Variants in NCAM1 observed in about 807,000 individuals in gnomAD.
The protein encoded by NCAM1 is neural cell adhesion molecule 1, also known as antigen recognized by monoclonal antibody 5.1H11.
Under a neutral mutation model 109.8 loss-of-function variants are expected in NCAM1, and 14 were observed. That is an observed-to-expected ratio of 0.13 (90% CI 0.08 to 0.20). NCAM1 has a LOEUF of 0.20. Ranked by LOEUF, NCAM1 falls within the 10% of genes least tolerant of loss-of-function variation. NCAM1 has a pLI of 1.00. For missense variants in NCAM1, 774 were observed against 1,109.9 expected, an observed-to-expected ratio of 0.70 and a Z score of 4.30; for synonymous variants, 418 against 442.9, an observed-to-expected ratio of 0.94 and a Z score of 0.70.
At chr11:113,001,081 C>A (rs1484570555) in intron 1 of NCAM1, among the ~76,000 whole-genome samples, 3 of 151,874 alleles carry the variant, frequency 2.0e-5, no homozygotes, top group African/African-American at 7.3e-5. Context: ...ATCCGTGAGC[C>A]CTCTAGTCAG....
intron 1 of NCAM1, among the ~76,000 whole-genome samples, chr11:113,148,042 T>A (rs1042046135): frequency 3.4e-4 from 51 of 152,230 alleles, no homozygotes; most frequent in African/African-American, 1.2e-3. Flanking sequence ...CAATTAATCC[T>A]AAAATGCATA....
chr11:113,221,272 T>G, intron 8 of NCAM1, 24 bp from the exon 9 acceptor site: 1 of 1,555,606 alleles, frequency 6.4e-7, no homozygotes, highest in Non-Finnish European at 8.7e-7. Context: ...TTTCTTGTTG[T>G]GTTTTATATC....
intron 18 of NCAM1, among the ~76,000 whole-genome samples, chr11:113,271,369 CAAAAAAAAAAAA>C (rs71060298): frequency 1.5e-4 from 10 of 66,880 alleles, no homozygotes; most frequent in East Asian, 4.8e-4. Context: ...GACTCTGTCT[CAAAAAAAAAAAA>C]AAAAAAAAAA....
In NCAM1 at chr11:113,149,400, A is replaced by G. The variant is rs115222471; in HGVS notation, c.53-52979A>G. On this transcript the variant is annotated intron_variant, in intron 1 of 19. Transcript: ENST00000316851. ...TCAAAAAACCCACTGGGAAACCATT[A>G]TAATAATCCAAATAAGGGAAGATAA... is the stretch of plus-strand genomic sequence containing the variant. Among the ~76,000 whole-genome samples the G allele has an allele frequency of 8.2e-3, 1,248 of 152,332 alleles. 18 individuals carry two copies. The highest frequency in any genetic ancestry group is 0.029 in the African/African-American group (1,188 of 41,562).
chr11:113,144,531 C>A (rs1292780453), intron 1 of NCAM1, among the ~76,000 whole-genome samples: 1 of 152,086 alleles, frequency 6.6e-6, no homozygotes, highest in African/African-American at 2.4e-5. Flanking sequence ...AATGGAATAA[C>A]CACTAATACA....
chr11:113,108,619 T>C (rs1017868463), intron 1 of NCAM1, among the ~76,000 whole-genome samples: 24 of 152,140 alleles, frequency 1.6e-4, no homozygotes, highest in East Asian at 1.2e-3. Flanking sequence ...ATGGCAGACA[T>C]ATCCTTTCTT....
chr11:112,961,735 C>G, intron 1 of NCAM1, 71 bp downstream of exon 1: 39 of 989,442 alleles, frequency 3.9e-5, no homozygotes, highest in Non-Finnish European at 4.9e-5. Context: ...CTAGGAGGAA[C>G]GCTATTATTT....
chr11:113,264,000 C>T (rs1198022540), intron 17 of NCAM1: 1 of 985,298 alleles, frequency 1.0e-6, no homozygotes, highest in Non-Finnish European at 1.2e-6. Flanking sequence ...CCAGCTGCTC[C>T]TCCCTGCTGC....
At chr11:113,224,632 C>T (rs1281852257) in intron 9 of NCAM1, among the ~76,000 whole-genome samples, 1 of 152,216 alleles carries the variant, frequency 6.6e-6, no homozygotes, top group East Asian at 1.9e-4. Context: ...GACAGACTGC[C>T]TCCTCAAGTG....
intron 1 of NCAM1, among the ~76,000 whole-genome samples, chr11:112,999,685 A>G (rs1178005056): frequency 1.3e-5 from 2 of 152,152 alleles, no homozygotes; most frequent in Non-Finnish European, 2.9e-5. Flanking sequence ...AATTTAGAAA[A>G]TTGTGTAATA....
At chr11:113,180,918 T>C (rs1428574410) in intron 1 of NCAM1, among the ~76,000 whole-genome samples, 1 of 152,210 alleles carries the variant, frequency 6.6e-6, no homozygotes, top group South Asian at 2.1e-4. Flanking sequence ...CCAGAGATGA[T>C]GTTTGTAAAG....
intron 1 of NCAM1, among the ~76,000 whole-genome samples, chr11:113,056,681 C>T (rs1555082643): frequency 6.6e-6 from 1 of 152,174 alleles, no homozygotes; most frequent in Non-Finnish European, 1.5e-5. Context: ...AGCACATGAG[C>T]TTGAAAGCCA....
intron 14 of NCAM1, among the ~76,000 whole-genome samples, chr11:113,244,764 C>T (rs1450117670): frequency 6.6e-6 from 1 of 151,588 alleles, no homozygotes; most frequent in Non-Finnish European, 1.5e-5. Flanking sequence ...GTATATAATC[C>T]CTGCAAGGCC....
intron 3 of NCAM1, 151 bp from the exon 4 acceptor site, chr11:113,205,372 G>A: frequency 1.0e-6 from 1 of 965,206 alleles, no homozygotes; most frequent in Non-Finnish European, 1.4e-6. Context: ...CAGCTGCTCT[G>A]CCTGACGTCT....
chr11:113,078,030 G>T (rs2135638253), intron 1 of NCAM1, among the ~76,000 whole-genome samples: 1 of 152,216 alleles, frequency 6.6e-6, no homozygotes, highest in Middle Eastern at 3.4e-3. Context: ...CTACATTTGT[G>T]TCCTAGAACT....
At chr11:113,014,108 A>C (rs997785481) in intron 1 of NCAM1, among the ~76,000 whole-genome samples, 3 of 152,152 alleles carry the variant, frequency 2.0e-5, no homozygotes, top group Admixed American at 6.6e-5. Flanking sequence ...TTATGTATTA[A>C]TACTACTCAG....
At chr11:113,195,769 G>A (rs1943836395) in intron 1 of NCAM1, among the ~76,000 whole-genome samples, 1 of 151,824 alleles carries the variant, frequency 6.6e-6, no homozygotes, top group African/African-American at 2.4e-5. Context: ...GCCTCCCAAA[G>A]TGCTGGAACT....
chr11:113,188,055 A>C (rs1471821811), intron 1 of NCAM1, among the ~76,000 whole-genome samples: 1 of 152,148 alleles, frequency 6.6e-6, no homozygotes, highest in Non-Finnish European at 1.5e-5. Flanking sequence ...GTTTGTTGCT[A>C]CTGTTGCTGC....
chr11:113,044,370 T>A (rs563654953), intron 1 of NCAM1, among the ~76,000 whole-genome samples: 4 of 150,420 alleles, frequency 2.7e-5, no homozygotes, highest in African/African-American at 9.7e-5. Flanking sequence ...CACACACACA[T>A]ACACACATAC....
Sources: allele counts gnomAD v4.1 joint callset (sites outside exome capture counted in the v4.1 genomes callset), GRCh38; gene constraint gnomAD v4.1.1; transcripts MANE v1.5; gene names NCBI Gene and HGNC (gene_info 2026-07-23, HGNC 2026-07-21).